The following PRKAG2 variants were observed in gnomAD, a reference collection of about 807,000 sequenced individuals.
PRKAG2 encodes the protein protein kinase AMP-activated non-catalytic subunit gamma 2.
A neutral mutation model predicts 69.6 loss-of-function variants in PRKAG2; 26 were observed. That is an observed-to-expected ratio of 0.37 (90% CI 0.27 to 0.52). The LOEUF is 0.52. Ranked by LOEUF, PRKAG2 falls within the 20% of genes least tolerant of loss-of-function variation. The pLI is 0.90. For missense variants in PRKAG2, 557 were observed against 740.0 expected, an observed-to-expected ratio of 0.75 and a Z score of 2.87; for synonymous variants, 293 against 285.0, an observed-to-expected ratio of 1.03 and a Z score of -0.28.
chr7:151,855,732 T>TG, intron 1 of PRKAG2, among the ~76,000 whole-genome samples: 1 of 129,694 alleles, frequency 7.7e-6, no homozygotes, highest in African/African-American at 2.8e-5. Context: ...GAAAAGTGGG[T>TG]GGGTGGGGGC....
chr7:151,736,194 C>T (rs973882482), intron 3 of PRKAG2: 9 of 1,415,334 alleles, frequency 6.4e-6, no homozygotes, highest in Admixed American at 5.7e-5. Context: ...GCGACCTCAC[C>T]GCAGCCCCAG....
chr7:151,583,696 T>A lies in PRKAG2; in HGVS notation c.865-7244A>T, dbSNP rs1377586725. Among the ~76,000 whole-genome samples the A allele has an allele frequency of 1.3e-5, 2 of 152,246 alleles. No homozygotes were observed. Among genetic ancestry groups the A allele is most frequent in the Non-Finnish European group, 2.9e-5 (2 of 68,046 alleles). On this transcript the variant is annotated intron_variant, in intron 6 of 15. Transcript: ENST00000287878. This position sits in a 1 kb window ranked among gnomAD's most constrained non-coding sequence, Gnocchi z 4.1. ...GAAGAAACCGCTCAGGGATCTTGAG[T>A]ACCTTTGAAAATTTCTTTCCTTTTA... is the stretch of plus-strand genomic sequence containing the variant.
intron 6 of PRKAG2, among the ~76,000 whole-genome samples, chr7:151,582,794 G>C (rs1320049930): frequency 6.6e-6 from 1 of 152,184 alleles, no homozygotes; most frequent in Non-Finnish European, 1.5e-5. Context: ...CGGGCTCCTT[G>C]GCCCGTGCCA....
At chr7:151,861,527 CCAAAA>C (rs1379277431) in intron 1 of PRKAG2, among the ~76,000 whole-genome samples, 4 of 60,396 alleles carry the variant, frequency 6.6e-5, no homozygotes, top group African/African-American at 1.4e-4. Flanking sequence ...GACTCTGTCT[CCAAAA>C]AAAAAAAAAA....
intron 4 of PRKAG2, among the ~76,000 whole-genome samples, chr7:151,647,712 G>A (rs1827802047): frequency 6.6e-6 from 1 of 152,190 alleles, no homozygotes; most frequent in South Asian, 2.1e-4. Context: ...GGGAGTGAAA[G>A]GAATGGAATT....
At chr7:151,767,672 T>C (rs1275639793) in intron 3 of PRKAG2, among the ~76,000 whole-genome samples, 2 of 152,246 alleles carry the variant, frequency 1.3e-5, no homozygotes, top group Non-Finnish European at 2.9e-5. Context: ...TGATTTGTAG[T>C]CATCCACACT....
At chr7:151,869,654 A>T (rs1319416096) in intron 1 of PRKAG2, among the ~76,000 whole-genome samples, 1 of 152,214 alleles carries the variant, frequency 6.6e-6, no homozygotes, top group Non-Finnish European at 1.5e-5. Context: ...GTGATCACGC[A>T]TCACTGTCTA....
chr7:151,739,813 T>C (rs1387962464), intron 3 of PRKAG2, among the ~76,000 whole-genome samples: 1 of 152,116 alleles, frequency 6.6e-6, no homozygotes, highest in African/African-American at 2.4e-5. Flanking sequence ...CCATTTGCCC[T>C]GCCTCCTAAG....
intron 5 of PRKAG2, among the ~76,000 whole-genome samples, chr7:151,606,376 G>A (rs2067524034): frequency 1.3e-5 from 2 of 152,318 alleles, no homozygotes; most frequent in African/African-American, 4.8e-5. Flanking sequence ...GGCACCATCT[G>A]TGTTAGTTAC....
chr7:151,711,004 TA>T (rs2151604968), intron 3 of PRKAG2, among the ~76,000 whole-genome samples: 1 of 152,160 alleles, frequency 6.6e-6, no homozygotes, highest in South Asian at 2.1e-4. Context: ...AGGAATACAG[TA>T]CTAACATGCT....
chr7:151,605,492 TG>T (rs1323733502), intron 5 of PRKAG2, among the ~76,000 whole-genome samples: 3 of 151,894 alleles, frequency 2.0e-5, no homozygotes. Flanking sequence ...CCCAGCACTT[TG>T]GGAGGCCAAG....
intron 9 of PRKAG2, among the ~76,000 whole-genome samples, chr7:151,571,731 T>C (rs1484656676): frequency 6.6e-6 from 1 of 152,140 alleles, no homozygotes; most frequent in African/African-American, 2.4e-5. Flanking sequence ...AAAGCCGTAA[T>C]AAACCAAACC....
intron 1 of PRKAG2, among the ~76,000 whole-genome samples, chr7:151,844,462 C>T (rs1563748588): frequency 6.6e-6 from 1 of 152,124 alleles, no homozygotes; most frequent in African/African-American, 2.4e-5. Context: ...GGGTAAAAAC[C>T]CTCCCACCTG....
In PRKAG2 at chr7:151,756,198, G is replaced by A. The variant is rs2075072793; in HGVS notation, c.466+24954C>T. ...ACAGGCCCCTGTGGCCTCCCTGAAAGTGAGGAGTAAAATGACTCACGTACA... is the reference window on the plus strand; with the variant it reads ...ACAGGCCCCTGTGGCCTCCCTGAAAATGAGGAGTAAAATGACTCACGTACA... On this transcript the variant is annotated intron_variant, in intron 3 of 15. Transcript: ENST00000287878. This position sits in a 1 kb window ranked among gnomAD's most constrained non-coding sequence, Gnocchi z 4.9. 6.6e-6 allele frequency among the ~76,000 whole-genome samples: 1 copy of A among 152,178 alleles called. No homozygotes were observed. The highest frequency in any genetic ancestry group is 2.4e-5 in the African/African-American group (1 of 41,446).
intron 1 of PRKAG2, among the ~76,000 whole-genome samples, chr7:151,811,835 C>T (rs553904709): frequency 6.6e-6 from 1 of 152,326 alleles, no homozygotes; most frequent in East Asian, 1.9e-4. Context: ...CACTACCGGA[C>T]ATTCACCATG....
At chr7:151,872,819 G>A (rs950719929) in intron 1 of PRKAG2, among the ~76,000 whole-genome samples, 16 of 152,220 alleles carry the variant, frequency 1.1e-4, no homozygotes, top group African/African-American at 3.6e-4. Flanking sequence ...TGCAGGTGAG[G>A]GTGGGCTGGG....
intron 3 of PRKAG2, among the ~76,000 whole-genome samples, chr7:151,688,982 C>T (rs746552075): frequency 6.6e-6 from 1 of 152,160 alleles, no homozygotes; most frequent in African/African-American, 2.4e-5. Flanking sequence ...CCTGAACCTC[C>T]AAACTCAGAA....
intron 4 of PRKAG2, among the ~76,000 whole-genome samples, chr7:151,670,332 A>C (rs986559086): frequency 9.2e-5 from 14 of 152,162 alleles, no homozygotes; most frequent in African/African-American, 3.4e-4. Context: ...CTACCTTCCA[A>C]ATTCCTTTCA....
chr7:151,826,709 A>C (rs17567098), intron 1 of PRKAG2, among the ~76,000 whole-genome samples: 28,851 of 152,188 alleles, frequency 0.19, 3,287 homozygotes, highest in Middle Eastern at 0.3. Context: ...GACGTGATAC[A>C]TCCTCAAATA....
Sources: gnomAD v4.1 joint callset for allele counts (sites outside exome capture counted in the v4.1 genomes callset) on GRCh38, gnomAD v4.1.1 for gene constraint, Gnocchi (gnomAD v3.1) non-coding constraint, MANE v1.5 for transcripts, NCBI Gene and HGNC (gene_info 2026-07-23, HGNC 2026-07-21) for gene names.